PRCP: variants seen among roughly 807,000 people sequenced by gnomAD.
PRCP encodes the protein prolylcarboxypeptidase.
A neutral mutation model predicts 54.2 loss-of-function variants in PRCP; 46 were observed. The observed-to-expected ratio is 0.85, with a 90% CI of 0.67 to 1.09. The LOEUF is 1.09. PRCP is among the 50% of genes least tolerant of loss of function. The pLI, the probability that PRCP is intolerant of heterozygous loss-of-function variation, is 0.00. For synonymous variants in PRCP, 240 were observed against 212.2 expected (o/e 1.13, Z -1.14); for missense variants, 613 against 596.8 (o/e 1.03, Z -0.28).
At chr11:82,845,590 C>T (rs1391880488) in intron 6 of PRCP, 1 of 152,188 alleles carries the variant, frequency 6.6e-6, no homozygotes, top group South Asian at 2.1e-4. Flanking sequence ...ACCGCTTAAA[C>T]CACCCAGAGA....
chr11:82,828,226 T>G (rs1201133052), intron 8 of PRCP: 1 of 152,206 alleles, frequency 6.6e-6, no homozygotes, highest in Non-Finnish European at 1.5e-5. Context: ...CTAAAAACCC[T>G]AGTCCAATGC....
intron 8 of PRCP, among the ~76,000 whole-genome samples, chr11:82,837,437 C>T (rs149482601): frequency 2.6e-5 from 4 of 152,102 alleles, no homozygotes; most frequent in Non-Finnish European, 5.9e-5. Flanking sequence ...CAGAGAAATG[C>T]GACATGGGGT....
chr11:82,899,846 G>T, intron 1 of PRCP: 1 of 195,962 alleles, frequency 5.1e-6, no homozygotes, highest in Non-Finnish European at 1.1e-5. Flanking sequence ...TTGTATTTAG[G>T]GCTGCCTTGG....
At chr11:82,889,003 AT>A (rs1859934481) in intron 1 of PRCP, among the ~76,000 whole-genome samples, 1 of 147,916 alleles carries the variant, frequency 6.8e-6, no homozygotes, top group African/African-American at 2.6e-5. Context: ...CAAGGCTAGA[AT>A]AAGACATGTG....
In PRCP at chr11:82,860,478, G is replaced by A. The variant is rs117952099; in HGVS notation, c.169-361C>T. On this transcript the variant is annotated intron_variant, in intron 1 of 8. Transcript: ENST00000313010. ...TTTTAATTGGCAAATAAAATTTTAC[G>A]TATGGTGTATATAACATGATGTTCT... Among the ~76,000 whole-genome samples the A allele has an allele frequency of 4.0e-3, 608 of 151,812 alleles. 5 individuals carry two copies. The highest frequency in any genetic ancestry group is 0.014 in the African/African-American group (576 of 41,406).
At chr11:82,865,258 A>G (rs1181544995) in intron 1 of PRCP, among the ~76,000 whole-genome samples, 1 of 152,212 alleles carries the variant, frequency 6.6e-6, no homozygotes, top group Non-Finnish European at 1.5e-5. Flanking sequence ...TCCTTGCATT[A>G]TAACACGCTC....
intron 1 of PRCP, among the ~76,000 whole-genome samples, chr11:82,891,098 C>T (rs141617820): frequency 0.016 from 2,386 of 152,268 alleles, 27 homozygotes; most frequent in Non-Finnish European, 0.023. Flanking sequence ...TGACACAATA[C>T]CATTTCTGAA....
chr11:82,878,004 AC>A (rs1859647328), intron 1 of PRCP, among the ~76,000 whole-genome samples: 1 of 152,174 alleles, frequency 6.6e-6, no homozygotes, highest in Non-Finnish European at 1.5e-5. Flanking sequence ...GACCATGGGA[AC>A]CCACCTCTTG....
At chr11:82,839,653 C>T in intron 6 of PRCP, 1 of 510,574 alleles carries the variant, frequency 2.0e-6, no homozygotes, top group East Asian at 3.8e-5. Flanking sequence ...GCATGGTATG[C>T]AAAGTCCTCT....
At chr11:82,837,585 C>T (rs1240160460) in intron 8 of PRCP, among the ~76,000 whole-genome samples, 2 of 152,184 alleles carry the variant, frequency 1.3e-5, no homozygotes. Flanking sequence ...TTAAAAATAG[C>T]TCTGGTTAAC....
intron 8 of PRCP, among the ~76,000 whole-genome samples, chr11:82,834,119 C>T (rs1316629847): frequency 2.6e-5 from 4 of 152,210 alleles, no homozygotes; most frequent in Admixed American, 6.5e-5. Context: ...CCTTAAGGTG[C>T]CATCTTGAAA....
Position 82,824,981 on chromosome 11 carries a change from T to A in PRCP, c.1416A>T (p.Leu472Phe). The change falls in exon 9 of 9, where the codon TTA becomes TTT. Residue 472 changes from leucine to phenylalanine, a missense_variant. Transcript: ENST00000313010. ...KNALDPMSVL[L>F]ARSLEVRHMK... ...TATGTCTAACTTCCAAGGAGCGGGC[T>A]AACAGCACAGACATAGGATCCAAGG... 1.2e-6 allele frequency: 2 copies of A among 1,614,144 alleles called. No homozygotes were observed. Among genetic ancestry groups the A allele is most frequent in the Non-Finnish European group, 1.7e-6 (2 of 1,179,988 alleles).
intron 1 of PRCP, among the ~76,000 whole-genome samples, chr11:82,895,954 A>G (rs999387658): frequency 1.3e-5 from 2 of 152,206 alleles, no homozygotes; most frequent in Admixed American, 6.5e-5. Context: ...GTCAGTGACC[A>G]TGAGCTCAAT....
At chr11:82,868,594 ATT>A (rs11302088) in intron 1 of PRCP, among the ~76,000 whole-genome samples, 8 of 151,064 alleles carry the variant, frequency 5.3e-5, no homozygotes, top group Non-Finnish European at 1.5e-5. Context: ...ACAGAGAAGA[ATT>A]TTTTTTTTTC....
intron 1 of PRCP, among the ~76,000 whole-genome samples, chr11:82,889,442 G>GAGAA (rs1206899027): frequency 2.0e-5 from 3 of 151,962 alleles, no homozygotes; most frequent in African/African-American, 7.3e-5. Flanking sequence ...GGGGGAGGAA[G>GAGAA]AGAAAGAAAG....
intron 1 of PRCP, among the ~76,000 whole-genome samples, chr11:82,876,642 T>C (rs1859608811): frequency 6.6e-6 from 1 of 152,190 alleles, no homozygotes; most frequent in African/African-American, 2.4e-5. Context: ...TTTCCGCTTT[T>C]GCTTCTTCCT....
At chr11:82,836,798 C>G (rs1304666162) in intron 8 of PRCP, 1 of 264,600 alleles carries the variant, frequency 3.8e-6, no homozygotes, top group African/African-American at 2.3e-5. Flanking sequence ...GCCATTTGCC[C>G]TGGCCTCCCA....
chr11:82,900,482 C>G, upstream of PRCP: 1 of 1,498,274 alleles, frequency 6.7e-7, no homozygotes, highest in Non-Finnish European at 9.0e-7. Context: ...CCCTGCCCAG[C>G]CTGCAGCTCC....
At chr11:82,879,938 C>A (rs967900875) in intron 1 of PRCP, among the ~76,000 whole-genome samples, 2 of 152,176 alleles carry the variant, frequency 1.3e-5, no homozygotes, top group African/African-American at 4.8e-5. Flanking sequence ...AGATGTCAGT[C>A]GACCCTTACT....
Sources: gnomAD v4.1 joint callset for allele counts (sites outside exome capture counted in the v4.1 genomes callset) on GRCh38, gnomAD v4.1.1 for gene constraint, MANE v1.5 for transcripts, NCBI Gene and HGNC (gene_info 2026-07-23, HGNC 2026-07-21) for gene names.